The following RABEP1 variants were observed in gnomAD, a reference collection of about 807,000 sequenced individuals.
The protein encoded by RABEP1 is rabaptin, RAB GTPase binding effector protein 1.
RABEP1 carries 51 observed loss-of-function variants against 123.4 expected under a neutral mutation model. The ratio of observed to expected loss-of-function variants is 0.41; its 90% CI spans 0.33 to 0.52. The LOEUF is 0.52. Ranked by LOEUF, RABEP1 falls within the 20% of genes least tolerant of loss-of-function variation. RABEP1 has a pLI of 0.16. For missense variants in RABEP1, 888 were observed against 996.3 expected (o/e 0.89, Z 1.46); for synonymous variants, 347 against 355.2 (o/e 0.98, Z 0.26).
In RABEP1 at chr17:5,302,199, C is replaced by G. The variant is rs552915757; in HGVS notation, c.35-6495C>G. On this transcript the variant is annotated intron_variant, in intron 1 of 17. Transcript: ENST00000537505. ...TCTGCTCTCATTCTGGAGAGCAGAA[C>G]CAAAATCTCTAAGGGAGCAGATTTA... Among the ~76,000 whole-genome samples, 58 of 151,022 alleles carry G rather than the reference C, an allele frequency of 3.8e-4. 1 individual carries two copies. Among genetic ancestry groups the G allele is most frequent in the African/African-American group, 1.4e-3 (57 of 40,950 alleles).
At chr17:5,367,024 G>T (rs1910057253) in intron 11 of RABEP1, among the ~76,000 whole-genome samples, 1 of 151,100 alleles carries the variant, frequency 6.6e-6, no homozygotes, top group Non-Finnish European at 1.5e-5. Flanking sequence ...GGGAGGCGGA[G>T]GTTGCAGTGA....
At chr17:5,302,413 G>GT (rs918800668) in intron 1 of RABEP1, among the ~76,000 whole-genome samples, 10 of 151,132 alleles carry the variant, frequency 6.6e-5, no homozygotes, top group East Asian at 1.9e-4. Context: ...ACTAATTTTT[G>GT]TTTTTTTGGT....
chr17:5,379,468 C>T (rs8081481), intron 15 of RABEP1, among the ~76,000 whole-genome samples: 65,779 of 151,456 alleles, frequency 0.43, 14,961 homozygotes, highest in East Asian at 0.83. Flanking sequence ...ACTCCTCTCC[C>T]GAGCTACCAC....
chr17:5,311,416 G>A (rs942123238), intron 2 of RABEP1, among the ~76,000 whole-genome samples: 4 of 151,808 alleles, frequency 2.6e-5, no homozygotes, highest in Non-Finnish European at 5.9e-5. Flanking sequence ...TGAAAATAAG[G>A]CCAGGCACGG....
chr17:5,329,947 T>C (rs1906372151), intron 2 of RABEP1, among the ~76,000 whole-genome samples: 1 of 151,988 alleles, frequency 6.6e-6, no homozygotes, highest in South Asian at 2.1e-4. Flanking sequence ...AGTTTTTCTG[T>C]TCATAATGAC....
chr17:5,326,895 G>A (rs945419290), intron 2 of RABEP1, among the ~76,000 whole-genome samples: 18 of 152,266 alleles, frequency 1.2e-4, no homozygotes, highest in Admixed American at 1.1e-3. Context: ...GTCCTTGTGC[G>A]AACGCGGAAT....
Position 5,367,245 on chromosome 17 carries a change from TACAC to T in RABEP1, c.1786-1101_1786-1098del, listed in dbSNP as rs145302611. 4.6e-3 allele frequency among the ~76,000 whole-genome samples: 673 copies of T among 147,746 alleles called. 3 individuals are homozygous for T. Among genetic ancestry groups the T allele is most frequent in the African/African-American group, 0.014 (569 of 40,006 alleles). On this transcript the variant is annotated intron_variant, in intron 11 of 17. Transcript: ENST00000537505. ...ATCTAAAATTCCTCTAGAACTTAGA[TACAC>T]ACACACACACACACACACACACAGT...
In RABEP1 at chr17:5,384,197, A is replaced by AT. The variant is rs1316114744; in HGVS notation, c.*975dup. 4.7e-6 allele frequency: 1 copy of AT among 214,976 alleles called. No individual in the cohort carries two copies. Among genetic ancestry groups the AT allele is most frequent in the East Asian group, 7.0e-5 (1 of 14,200 alleles). 13.3% of individuals were successfully genotyped at this position (214,976 alleles called of 1,614,324 possible). On this transcript the variant is annotated 3_prime_UTR_variant, in exon 18 of 18. Coordinates refer to ENST00000537505, the MANE Select transcript of RABEP1 (RefSeq NM_004703.6). ...TTTTTCTTTTGAATTCAGACCTGGA[A>AT]TGTAAGTAAGTGACAATGCTTATGG...
At chr17:5,288,674 C>T (rs1382138359) in intron 1 of RABEP1, among the ~76,000 whole-genome samples, 3 of 151,036 alleles carry the variant, frequency 2.0e-5, no homozygotes, top group South Asian at 2.1e-4. Flanking sequence ...GGATTACAGG[C>T]GTGAGCCACT....
At chr17:5,297,459 C>G (rs1389139335) in intron 1 of RABEP1, among the ~76,000 whole-genome samples, 3 of 152,156 alleles carry the variant, frequency 2.0e-5, no homozygotes, top group Non-Finnish European at 4.4e-5. Flanking sequence ...CATGAATCTC[C>G]TCTATTAAAC....
chr17:5,368,483 T>G lies in RABEP1; in HGVS notation c.1884+15T>G, dbSNP rs749386018. Reference sequence around the variant, plus strand: ...AGGAACAGATGGTAAGTTTACATTTTAAGTAAATGACAACTATGTTACTAT... The same window carrying G: ...AGGAACAGATGGTAAGTTTACATTTGAAGTAAATGACAACTATGTTACTAT... On this transcript the variant is annotated intron_variant, in intron 12 of 17. Transcript: ENST00000537505. 4.9e-5 allele frequency: 77 copies of G among 1,558,856 alleles called. No homozygotes were observed. Among genetic ancestry groups the G allele is most frequent in the Admixed American group, 1.0e-4 (6 of 59,484 alleles).
intron 8 of RABEP1, among the ~76,000 whole-genome samples, chr17:5,360,510 G>A (rs949140327): frequency 2.0e-5 from 3 of 152,168 alleles, no homozygotes; most frequent in Non-Finnish European, 2.9e-5. Context: ...TGCAGTGAGC[G>A]GAGATCGCGC....
At chr17:5,289,675 C>T (rs930089971) in intron 1 of RABEP1, among the ~76,000 whole-genome samples, 9 of 152,134 alleles carry the variant, frequency 5.9e-5, no homozygotes, top group Non-Finnish European at 1.0e-4. Flanking sequence ...GACTAGTAGA[C>T]ATAAGGAACA....
intron 1 of RABEP1, among the ~76,000 whole-genome samples, chr17:5,302,244 A>ATTTTTTTTTTTTTTTTT (rs57770310): frequency 6.8e-5 from 8 of 118,406 alleles, no homozygotes; most frequent in African/African-American, 1.1e-4. Context: ...TACTGAAAAC[A>ATTTTTTTTTTTTTTTTT]TTTTTTTTTT....
chr17:5,375,333 C>T (rs1597297065), intron 13 of RABEP1, among the ~76,000 whole-genome samples: 1 of 152,096 alleles, frequency 6.6e-6, no homozygotes, highest in Non-Finnish European at 1.5e-5. Context: ...CGTCTCAGCT[C>T]ATGTTACAGG....
At chr17:5,336,495 T>C in intron 4 of RABEP1, 1 of 473,082 alleles carries the variant, frequency 2.1e-6, no homozygotes, top group South Asian at 1.6e-5. Context: ...TAGGATCCCA[T>C]CCAGGATACC....
intron 11 of RABEP1, among the ~76,000 whole-genome samples, chr17:5,365,697 C>T (rs1909950377): frequency 6.6e-6 from 1 of 152,212 alleles, no homozygotes; most frequent in Non-Finnish European, 1.5e-5. Context: ...GCACTTACAA[C>T]TCCCTCCCGA....
chr17:5,317,808 C>T (rs746297932), intron 2 of RABEP1, among the ~76,000 whole-genome samples: 18 of 152,172 alleles, frequency 1.2e-4, no homozygotes, highest in Non-Finnish European at 2.6e-4. Flanking sequence ...GAGGTTGGAA[C>T]TTCCAACCCT....
At chr17:5,356,343 G>A (rs1909015888) in intron 8 of RABEP1, among the ~76,000 whole-genome samples, 1 of 152,158 alleles carries the variant, frequency 6.6e-6, no homozygotes, top group Non-Finnish European at 1.5e-5. Context: ...ATGACAGTGA[G>A]ATCCTGTCTC....
Sources: allele counts gnomAD v4.1 joint callset (sites outside exome capture counted in the v4.1 genomes callset), GRCh38; gene constraint gnomAD v4.1.1; transcripts MANE v1.5; gene names NCBI Gene and HGNC (gene_info 2026-07-23, HGNC 2026-07-21).